The following SLC16A7 variants were observed in gnomAD, a reference collection of about 807,000 sequenced individuals.
The protein encoded by SLC16A7 is monocarboxylate transporter 2.
A neutral mutation model predicts 34.9 loss-of-function variants in SLC16A7; 33 were observed. That is an observed-to-expected ratio of 0.94 (90% CI 0.72 to 1.26). The LOEUF (loss-of-function observed/expected upper bound fraction) is 1.26. Ranked by LOEUF, SLC16A7 falls within the 50% of genes most tolerant of loss-of-function variation. The probability of loss-of-function intolerance (pLI) is 0.00; values close to 1 mark genes in which losing one functional copy is unlikely to be tolerated. For synonymous variants in SLC16A7, 201 were observed against 206.6 expected, an observed-to-expected ratio of 0.97 and a Z score of 0.23; for missense variants, 573 against 578.1, an observed-to-expected ratio of 0.99 and a Z score of 0.09.
At chr12:59,764,860 G>T (rs1363524282) in intron 3 of SLC16A7, among the ~76,000 whole-genome samples, 1 of 152,130 alleles carries the variant, frequency 6.6e-6, no homozygotes, top group African/African-American at 2.4e-5. Context: ...TAATGGGATT[G>T]CTGGGTCAAA....
chr12:59,765,720 G>A (rs1380822219), intron 3 of SLC16A7, among the ~76,000 whole-genome samples: 4 of 152,164 alleles, frequency 2.6e-5, no homozygotes, highest in African/African-American at 4.8e-5. Context: ...GTATCATGCC[G>A]TTTTGGTGAC....
chr12:59,682,887 G>A (rs149092559), intron 2 of SLC16A7, among the ~76,000 whole-genome samples: 6,284 of 152,016 alleles, frequency 0.041, 180 homozygotes, highest in Middle Eastern at 0.099. Flanking sequence ...ACCAACATGG[G>A]GAAACCCTGT....
intron 3 of SLC16A7, among the ~76,000 whole-genome samples, chr12:59,765,909 T>G (rs1383859597): frequency 6.6e-6 from 1 of 152,150 alleles, no homozygotes; most frequent in Non-Finnish European, 1.5e-5. Flanking sequence ...ATTGAATCTA[T>G]AAATTACCTT....
At chr12:59,778,838 C>T (rs1883009253) in intron 5 of SLC16A7, among the ~76,000 whole-genome samples, 1 of 152,034 alleles carries the variant, frequency 6.6e-6, no homozygotes. Context: ...TAGATTCTAC[C>T]ACTAACTAGC....
At chr12:59,769,377 A>G (rs1882001357) in intron 3 of SLC16A7, 1 of 152,056 alleles carries the variant, frequency 6.6e-6, no homozygotes, top group Admixed American at 6.6e-5. Flanking sequence ...CTACGTGTAT[A>G]ATTTATTTTC....
At chr12:59,707,578 GA>G (rs1268896500) in intron 3 of SLC16A7, among the ~76,000 whole-genome samples, 1 of 152,092 alleles carries the variant, frequency 6.6e-6, no homozygotes, top group East Asian at 1.9e-4. Context: ...AATTCATGAA[GA>G]AAATGGTAGT....
At position 59,786,499 on chromosome 12, in the gene SLC16A7, T is replaced by G. The variant is rs1302982543; in HGVS notation, c.*6820T>G. 2 of 152,122 alleles carry G rather than the reference T, an allele frequency of 1.3e-5. No homozygotes were observed. Among genetic ancestry groups the G allele is most frequent in the South Asian group, 2.1e-4 (1 of 4,830 alleles). 9.4% of individuals were successfully genotyped at this position (152,122 alleles called of 1,614,324 possible). Reference sequence around the variant, plus strand: ...GGATTTTATTTTTCTATCATCAACTTTCTATATTTAACTAAAGCATTAGTA... The same window carrying G: ...GGATTTTATTTTTCTATCATCAACTGTCTATATTTAACTAAAGCATTAGTA... On this transcript the variant is annotated 3_prime_UTR_variant, in exon 6 of 6. Coordinates refer to ENST00000547379, the MANE Select transcript of SLC16A7 (RefSeq NM_001270623.2).
At chr12:59,752,124 G>A (rs1438397321) in intron 3 of SLC16A7, among the ~76,000 whole-genome samples, 2 of 151,784 alleles carry the variant, frequency 1.3e-5, no homozygotes. Flanking sequence ...CATCATCAAA[G>A]ACCAAAAGTA....
chr12:59,771,125 G>C (rs1882179473), intron 3 of SLC16A7, 94 bp from the exon 4 acceptor site: 1 of 1,214,554 alleles, frequency 8.2e-7, no homozygotes, highest in African/African-American at 1.5e-5. Context: ...CCATTAAAAT[G>C]TGCTTTCTTG....
chr12:59,707,856 A>T (rs1873766408), intron 3 of SLC16A7, among the ~76,000 whole-genome samples: 3 of 152,148 alleles, frequency 2.0e-5, no homozygotes, highest in Admixed American at 6.6e-5. Flanking sequence ...GCCATAGAGA[A>T]AAGTCAGGAA....
chr12:59,661,166 G>A (rs1868830404), intron 2 of SLC16A7, among the ~76,000 whole-genome samples: 1 of 152,042 alleles, frequency 6.6e-6, no homozygotes, highest in African/African-American at 2.4e-5. Flanking sequence ...CCAGTTTTGA[G>A]TAGGAGCATG....
chr12:59,694,583 A>G (rs1471756009), intron 2 of SLC16A7, among the ~76,000 whole-genome samples: 1 of 151,934 alleles, frequency 6.6e-6, no homozygotes, highest in East Asian at 1.9e-4. Context: ...ACAATACAGT[A>G]TTGTTAACTA....
chr12:59,762,348 T>TA (rs1424394275), intron 3 of SLC16A7, among the ~76,000 whole-genome samples: 5 of 152,144 alleles, frequency 3.3e-5, no homozygotes, highest in African/African-American at 1.2e-4. Context: ...TGGAATGTGT[T>TA]ACGATAAATT....
intron 2 of SLC16A7, among the ~76,000 whole-genome samples, chr12:59,688,305 G>T (rs1462511422): frequency 6.6e-6 from 1 of 152,050 alleles, no homozygotes; most frequent in Non-Finnish European, 1.5e-5. Flanking sequence ...GGTGGAGAAG[G>T]AGTGGCAATA....
At chr12:59,725,655 G>A (rs1424990671) in intron 3 of SLC16A7, among the ~76,000 whole-genome samples, 1 of 152,010 alleles carries the variant, frequency 6.6e-6, no homozygotes, top group Non-Finnish European at 1.5e-5. Context: ...GTTGTATAGT[G>A]TTATCATTAT....
chr12:59,741,653 CATCA>C, intron 3 of SLC16A7, among the ~76,000 whole-genome samples: 1 of 152,166 alleles, frequency 6.6e-6, no homozygotes, highest in Admixed American at 6.6e-5. Context: ...AGCAAGGAAA[CATCA>C]ATTTGAATCT....
chr12:59,743,863 A>C (rs1267243384), intron 3 of SLC16A7, among the ~76,000 whole-genome samples: 6 of 152,316 alleles, frequency 3.9e-5, no homozygotes, highest in African/African-American at 1.2e-4. Context: ...AGTCACAAGA[A>C]CTTAACTTTT....
intron 2 of SLC16A7, among the ~76,000 whole-genome samples, chr12:59,656,956 TCA>T (rs1167986432): frequency 1.3e-5 from 2 of 151,974 alleles, no homozygotes; most frequent in Admixed American, 1.3e-4. Context: ...AATCTGAGCA[TCA>T]GTTTTTTCAT....
chr12:59,724,450 A>ATTACT (rs1875994291), intron 3 of SLC16A7, among the ~76,000 whole-genome samples: 2 of 151,962 alleles, frequency 1.3e-5, no homozygotes, highest in South Asian at 4.1e-4. Flanking sequence ...GAACTTGCTA[A>ATTACT]TCTGCTGTAT....
Sources: allele counts gnomAD v4.1 joint callset (sites outside exome capture counted in the v4.1 genomes callset), GRCh38; gene constraint gnomAD v4.1.1; transcripts MANE v1.5; gene names NCBI Gene and HGNC (gene_info 2026-07-23, HGNC 2026-07-21).